The following DPH6 variants were observed in gnomAD, a reference collection of about 807,000 sequenced individuals.
DPH6 encodes the protein diphthamine biosynthesis 6, also known as diphthine--ammonia ligase.
A neutral mutation model predicts 38.2 loss-of-function variants in DPH6; 33 were observed. That is an observed-to-expected ratio of 0.86 (90% confidence interval 0.65 to 1.15). DPH6 has a LOEUF of 1.15. Among genes scored for constraint, DPH6 ranks in the 50% most tolerant of loss-of-function variants. DPH6 has a pLI of 0.00. For synonymous variants in DPH6, 108 were observed against 103.0 expected, an observed-to-expected ratio of 1.05 and a Z score of -0.30; for missense variants, 325 against 320.0, an observed-to-expected ratio of 1.02 and a Z score of -0.12.
intron 3 of DPH6, among the ~76,000 whole-genome samples, chr15:35,484,951 T>C (rs2054377082): frequency 6.6e-6 from 1 of 152,182 alleles, no homozygotes; most frequent in Non-Finnish European, 1.5e-5. Flanking sequence ...TTTAACAAAA[T>C]TTAGCAAGTT....
chr15:35,422,788 C>T (rs1210883936), intron 5 of DPH6, among the ~76,000 whole-genome samples: 1 of 151,818 alleles, frequency 6.6e-6, no homozygotes, highest in African/African-American at 2.4e-5. Context: ...ATTTTTAGAT[C>T]ACACATATAA....
chr15:35,343,275 T>A (rs2140880805), intron 3 of DPH6, among the ~76,000 whole-genome samples: 1 of 152,280 alleles, frequency 6.6e-6, no homozygotes, highest in African/African-American at 2.4e-5. Flanking sequence ...GAATTGAATA[T>A]TGTTTTCATT....
intron 3 of DPH6, among the ~76,000 whole-genome samples, chr15:35,228,809 A>G (rs1478924742): frequency 1.3e-5 from 2 of 152,152 alleles, no homozygotes; most frequent in African/African-American, 4.8e-5. Context: ...TCATGTTGGA[A>G]GGATAATTTT....
At chr15:35,164,800 C>A in the DPH6 span, among the ~76,000 whole-genome samples, 1 of 151,818 alleles carries the variant, frequency 6.6e-6, no homozygotes, top group East Asian at 1.9e-4. Flanking sequence ...CTATAATCAT[C>A]ACCTTTCTAG....
chr15:35,352,887 A>G lies in DPH6; in HGVS notation n.207+20634T>C, dbSNP rs61673545. 4.3e-3 allele frequency among the ~76,000 whole-genome samples: 657 copies of G among 152,338 alleles called. 6 individuals carry two copies. The highest frequency in any genetic ancestry group is 0.015 in the African/African-American group (632 of 41,576). On this transcript the variant is annotated intron_variant and non_coding_transcript_variant, in intron 3 of 3. Coordinates refer to the DPH6 transcript ENST00000558973. ...TTCCACAATGGTTGAACTAGTTTACAGTCCCACCAACAGTGTAAAAGTGTT... is the reference window on the plus strand; with the variant it reads ...TTCCACAATGGTTGAACTAGTTTACGGTCCCACCAACAGTGTAAAAGTGTT...
intron 3 of DPH6, chr15:35,299,242 C>T: frequency 8.7e-7 from 1 of 1,154,146 alleles, no homozygotes; most frequent in African/African-American, 1.5e-5. Flanking sequence ...GGTGTGTCCA[C>T]AATTTGCCCG....
chr15:35,389,070 CTT>C (rs1350291851), intron 6 of DPH6, among the ~76,000 whole-genome samples: 2 of 152,102 alleles, frequency 1.3e-5, no homozygotes, highest in Admixed American at 1.3e-4. Flanking sequence ...TCAAAGAAAT[CTT>C]TATTTCTGCC....
chr15:35,160,991 G>A, the DPH6 span, among the ~76,000 whole-genome samples: 1 of 151,912 alleles, frequency 6.6e-6, no homozygotes, highest in East Asian at 1.9e-4. Context: ...GGACTGTTGT[G>A]GGGTGGAGGG....
intron 3 of DPH6, among the ~76,000 whole-genome samples, chr15:35,292,327 A>G (rs2051985521): frequency 6.6e-6 from 1 of 152,148 alleles, no homozygotes; most frequent in Non-Finnish European, 1.5e-5. Flanking sequence ...AATAATAAAT[A>G]TATCTCATTC....
At chr15:35,350,921 C>CG (rs1248336532) in intron 3 of DPH6, among the ~76,000 whole-genome samples, 2 of 152,128 alleles carry the variant, frequency 1.3e-5, no homozygotes, top group Non-Finnish European at 2.9e-5. Flanking sequence ...GTGGAATGCT[C>CG]TGCATTTATC....
intron 5 of DPH6, among the ~76,000 whole-genome samples, chr15:35,436,908 G>A (rs1215574349): frequency 6.6e-6 from 1 of 151,536 alleles, no homozygotes; most frequent in Non-Finnish European, 1.5e-5. Flanking sequence ...CTTAGCATTT[G>A]GCTTATGATA....
the DPH6 span, among the ~76,000 whole-genome samples, chr15:35,163,629 T>C: frequency 6.6e-6 from 1 of 151,898 alleles, no homozygotes; most frequent in Admixed American, 6.6e-5. Flanking sequence ...CTGGATATAA[T>C]TGGTAATAAG....
the DPH6 span, among the ~76,000 whole-genome samples, chr15:35,146,572 C>T: frequency 6.6e-6 from 1 of 152,204 alleles, no homozygotes; most frequent in South Asian, 2.1e-4. Flanking sequence ...TTCTTTTAAA[C>T]ATTTTTGCCC....
downstream of DPH6, among the ~76,000 whole-genome samples, chr15:35,367,566 G>A (rs2052671683): frequency 6.6e-6 from 1 of 151,574 alleles, no homozygotes; most frequent in Non-Finnish European, 1.5e-5. Flanking sequence ...ATAAAGTTGG[G>A]GCCCCAAAGA....
intron 6 of DPH6, among the ~76,000 whole-genome samples, chr15:35,386,638 G>C (rs1456131851): frequency 6.6e-6 from 1 of 152,154 alleles, no homozygotes; most frequent in African/African-American, 2.4e-5. Context: ...CTGCATAAAT[G>C]TCTTCTTTTG....
At chr15:35,227,152 G>A (rs1290418558) in intron 3 of DPH6, among the ~76,000 whole-genome samples, 4 of 142,042 alleles carry the variant, frequency 2.8e-5, no homozygotes, top group African/African-American at 1.0e-4. Context: ...TTCAATTTCT[G>A]CAATATCAGT....
chr15:35,326,269 T>G (rs2052281523), downstream of DPH6, among the ~76,000 whole-genome samples: 1 of 152,162 alleles, frequency 6.6e-6, no homozygotes, highest in African/African-American at 2.4e-5. Context: ...TTGAAAACTG[T>G]CAAAACTGAT....
chr15:35,495,578 A>G (rs2054538549), intron 3 of DPH6, among the ~76,000 whole-genome samples: 1 of 152,148 alleles, frequency 6.6e-6, no homozygotes, highest in Non-Finnish European at 1.5e-5. Context: ...AATATTATAC[A>G]AAGGAAATAA....
chr15:35,507,467 G>T (rs886806677), intron 3 of DPH6, among the ~76,000 whole-genome samples: 1 of 151,828 alleles, frequency 6.6e-6, no homozygotes, highest in Admixed American at 6.6e-5. Context: ...TTGAAACCTC[G>T]TATATTTATA....
Sources: gnomAD v4.1 joint callset for allele counts (sites outside exome capture counted in the v4.1 genomes callset) on GRCh38, gnomAD v4.1.1 for gene constraint, MANE v1.5 for transcripts, NCBI Gene and HGNC (gene_info 2026-07-23, HGNC 2026-07-21) for gene names.